CFAP97D2: variants seen among roughly 807,000 people sequenced by gnomAD.
CFAP97D2 encodes the protein CFAP97 domain containing 2.
intron 1 of CFAP97D2, among the ~76,000 whole-genome samples, chr13:114,188,970 GCTAA>G (rs1447947145): frequency 2.0e-5 from 3 of 149,838 alleles, no homozygotes; most frequent in Non-Finnish European, 4.4e-5. Flanking sequence ...CTGTAGCCAG[GCTAA>G]CTAAGAAAAA....
chr13:114,204,371 T>A (rs1013541965), intron 3 of CFAP97D2, among the ~76,000 whole-genome samples: 1 of 152,226 alleles, frequency 6.6e-6, no homozygotes, highest in South Asian at 2.1e-4. Flanking sequence ...GACTTGTCGC[T>A]TACCTGCTTT....
rs1220562322 is a variant in CFAP97D2, at chr13:114,203,568, T to C, written c.290+3125T>C. Reference sequence around the variant, plus strand: ...GGAAAATCTAGGCACACGAACACATTGAAGGGTGAGTAGAGCAGGATTTTC... The same window carrying C: ...GGAAAATCTAGGCACACGAACACATCGAAGGGTGAGTAGAGCAGGATTTTC... On this transcript the variant is annotated intron_variant, in intron 3 of 4. Coordinates refer to ENST00000646158, the Ensembl canonical transcript of CFAP97D2. The surrounding 1 kb of genome is among the most constrained non-coding windows in gnomAD (Gnocchi z 4.3). Among the ~76,000 whole-genome samples, 1 of 152,006 alleles carries C rather than the reference T, an allele frequency of 6.6e-6. No homozygotes were observed. Among genetic ancestry groups the C allele is most frequent in the East Asian group, 1.9e-4 (1 of 5,184 alleles).
chr13:114,198,606 G>A (rs1197015667), intron 2 of CFAP97D2, among the ~76,000 whole-genome samples: 1 of 152,226 alleles, frequency 6.6e-6, no homozygotes. Context: ...CAATCCATGG[G>A]CAAAGCAGCT....
intron 3 of CFAP97D2, among the ~76,000 whole-genome samples, chr13:114,202,577 G>A (rs73572924): frequency 0.044 from 6,771 of 152,308 alleles, 434 homozygotes; most frequent in African/African-American, 0.14. Context: ...ATGCACACCA[G>A]AAGCTGCAGC....
In CFAP97D2 at chr13:114,211,269, T is replaced by G. The variant is rs2080965507; in HGVS notation, c.291-643T>G. 1.3e-5 allele frequency among the ~76,000 whole-genome samples: 2 copies of G among 152,126 alleles called. No homozygotes were observed. Among genetic ancestry groups the G allele is most frequent in the South Asian group, 4.1e-4 (2 of 4,824 alleles). ...CTGAACAGGTTTCACCGGTCCCATCTCACCACTGCAGTGGGCTGGCATCGA... is the reference window on the plus strand; with the variant it reads ...CTGAACAGGTTTCACCGGTCCCATCGCACCACTGCAGTGGGCTGGCATCGA... On this transcript the variant is annotated intron_variant, in intron 3 of 4. Coordinates refer to ENST00000646158, the Ensembl canonical transcript of CFAP97D2. This position sits in a 1 kb window ranked among gnomAD's most constrained non-coding sequence, Gnocchi z 4.2.
In CFAP97D2 at chr13:114,186,949, C is replaced by T. The variant is rs914591957; in HGVS notation, c.90+7529C>T. On this transcript the variant is annotated intron_variant, in intron 1 of 4. Coordinates refer to ENST00000646158, the Ensembl canonical transcript of CFAP97D2. This position sits in a 1 kb window ranked among gnomAD's most constrained non-coding sequence, Gnocchi z 4.3. Reference sequence around the variant, plus strand: ...GGGCCCAGTGGGCCCGAGCAAAATTCGGCAAAGGTGCCACCAGCCACAGAG... The same window carrying T: ...GGGCCCAGTGGGCCCGAGCAAAATTTGGCAAAGGTGCCACCAGCCACAGAG... Among the ~76,000 whole-genome samples, 5 of 152,228 alleles carry T rather than the reference C, an allele frequency of 3.3e-5. No homozygotes were observed. Among genetic ancestry groups the T allele is most frequent in the African/African-American group, 7.2e-5 (3 of 41,458 alleles).
At chr13:114,220,871 C>T (rs569297537) in intron 4 of CFAP97D2, among the ~76,000 whole-genome samples, 55 of 152,358 alleles carry the variant, frequency 3.6e-4, no homozygotes, top group African/African-American at 1.3e-3. Flanking sequence ...GCCCCATTCT[C>T]GCTTCTAAAG....
In CFAP97D2 at chr13:114,211,767, G is replaced by A. The variant is rs1053563288; in HGVS notation, c.291-145G>A. 5.8e-5 allele frequency: 23 copies of A among 396,346 alleles called. No homozygotes were observed. Among genetic ancestry groups the A allele is most frequent in the Non-Finnish European group, 9.8e-5 (22 of 225,288 alleles). 24.6% of individuals were successfully genotyped at this position (396,346 alleles called of 1,614,324 possible). On this transcript the variant is annotated intron_variant, in intron 3 of 4. Transcript: ENST00000646158. The surrounding 1 kb of genome is among the most constrained non-coding windows in gnomAD (Gnocchi z 4.2). ...CTCCCACTCCAGCACCTGGAGAACC[G>A]GTTTCTTAAATGTTGGTTCAGTGGG...
rs75173213 is a variant in CFAP97D2 at position 114,215,228 on chromosome 13, G to C, written c.480+3127G>C. On this transcript the variant is annotated intron_variant, in intron 4 of 4. Coordinates refer to ENST00000646158, the Ensembl canonical transcript of CFAP97D2. The stretch of plus-strand genomic sequence containing the variant: ...TATATTTTTAAACTTTGGACCATCT[G>C]ATTTCTTCTTGTATGAATTGTCTGT... Among the ~76,000 whole-genome samples, 40 of 152,276 alleles carry C rather than the reference G, an allele frequency of 2.6e-4. No individual in the cohort carries two copies. The East Asian group carries it at 6.7e-3, about 26-fold the overall frequency.
In CFAP97D2 at chr13:114,189,327, G is replaced by T. The variant is rs1465516736; in HGVS notation, c.91-7069G>T. 1.3e-5 allele frequency among the ~76,000 whole-genome samples: 2 copies of T among 152,126 alleles called. No individual in the cohort carries two copies. The highest frequency in any genetic ancestry group is 2.9e-5 in the Non-Finnish European group (2 of 68,016). On this transcript the variant is annotated intron_variant, in intron 1 of 4. Transcript: ENST00000646158. This position sits in a 1 kb window ranked among gnomAD's most constrained non-coding sequence, Gnocchi z 4.5. ...TCTGAATAGACCCATATCTATTCAAGAAATTGAATCAATAATTAAACTTCC... is the reference window on the plus strand; with the variant it reads ...TCTGAATAGACCCATATCTATTCAATAAATTGAATCAATAATTAAACTTCC...
intron 1 of CFAP97D2, among the ~76,000 whole-genome samples, chr13:114,182,429 C>G (rs565820109): frequency 1.3e-5 from 2 of 151,994 alleles, no homozygotes; most frequent in Non-Finnish European, 2.9e-5. Flanking sequence ...AGTGGCCTTC[C>G]TCTATCTCAA....
chr13:114,184,543 C>T (rs997022680), intron 1 of CFAP97D2, among the ~76,000 whole-genome samples: 14 of 152,238 alleles, frequency 9.2e-5, no homozygotes, highest in Non-Finnish European at 1.8e-4. Context: ...ACGCTCACCT[C>T]CTCCAGCCGG....
rs907876080 is a variant in CFAP97D2 at position 114,185,187 on chromosome 13, C to T, written c.90+5767C>T. On this transcript the variant is annotated intron_variant, in intron 1 of 4. Transcript: ENST00000646158. The surrounding 1 kb of genome is among the most constrained non-coding windows in gnomAD (Gnocchi z 5.2). ...CCTCCACCACTGCAGACTCTGGCCC[C>T]GTGTCACCGCTCTTGCCTGCTGATG... Among the ~76,000 whole-genome samples, 44 of 152,204 alleles carry T rather than the reference C, an allele frequency of 2.9e-4. No individual in the cohort carries two copies. The highest frequency in any genetic ancestry group is 3.8e-4 in the East Asian group (2 of 5,200).
chr13:114,194,001 A>C (rs1274812946), intron 1 of CFAP97D2, among the ~76,000 whole-genome samples: 1 of 152,266 alleles, frequency 6.6e-6, no homozygotes, highest in Non-Finnish European at 1.5e-5. Flanking sequence ...TCTTTTAAAA[A>C]AACAAAACAA....
At chr13:114,196,241 T>G (rs1420306774) in intron 1 of CFAP97D2, among the ~76,000 whole-genome samples, 155 bp from the exon 2 acceptor site, 1 of 152,178 alleles carries the variant, frequency 6.6e-6, no homozygotes, top group Non-Finnish European at 1.5e-5. Context: ...CAGGGGATAC[T>G]CGGATTCCAA....
intron 4 of CFAP97D2, among the ~76,000 whole-genome samples, chr13:114,220,275 T>C (rs770787142): frequency 6.6e-5 from 10 of 152,156 alleles, no homozygotes; most frequent in African/African-American, 1.7e-4. Flanking sequence ...TGGCCTCGCA[T>C]GGATGGGACA....
Position 114,200,455 on chromosome 13 carries a change from G to T in CFAP97D2, c.290+12G>T, listed in dbSNP as rs1475946734. 1.3e-5 allele frequency: 5 copies of T among 398,502 alleles called. No homozygotes were observed. The highest frequency in any genetic ancestry group is 1.0e-4 in the African/African-American group (5 of 48,642). 24.7% of individuals were successfully genotyped at this position (398,502 alleles called of 1,614,324 possible). ...TCCAAGCACAGGAGGTAAGGGAGCGGCTCCTGCCATCCCACCCGGCTCAGC... is the reference window on the plus strand; with the variant it reads ...TCCAAGCACAGGAGGTAAGGGAGCGTCTCCTGCCATCCCACCCGGCTCAGC... On this transcript the variant is annotated intron_variant, in intron 3 of 4. Transcript: ENST00000646158.
intron 4 of CFAP97D2, among the ~76,000 whole-genome samples, chr13:114,216,486 T>C (rs773800801): frequency 5.3e-4 from 80 of 151,388 alleles, no homozygotes; most frequent in Non-Finnish European, 9.1e-4. Context: ...CTAACCTTCC[T>C]GTGTCCATGT....
In CFAP97D2 at chr13:114,203,580, A is replaced by G. The variant is rs2080927714; in HGVS notation, c.290+3137A>G. Reference sequence around the variant, plus strand: ...CACACGAACACATTGAAGGGTGAGTAGAGCAGGATTTTCTTGGGTGACAAG... The same window carrying G: ...CACACGAACACATTGAAGGGTGAGTGGAGCAGGATTTTCTTGGGTGACAAG... On this transcript the variant is annotated intron_variant, in intron 3 of 4. Transcript: ENST00000646158. This position sits in a 1 kb window ranked among gnomAD's most constrained non-coding sequence, Gnocchi z 4.3. 6.6e-6 allele frequency among the ~76,000 whole-genome samples: 1 copy of G among 152,250 alleles called. No homozygotes were observed. The highest frequency in any genetic ancestry group is 2.1e-4 in the South Asian group (1 of 4,836).
Sources: gnomAD v4.1 joint callset for allele counts (sites outside exome capture counted in the v4.1 genomes callset) on GRCh38, gnomAD v4.1.1 for gene constraint, Gnocchi (gnomAD v3.1) non-coding constraint, MANE v1.5 for transcripts, NCBI Gene and HGNC (gene_info 2026-07-23, HGNC 2026-07-21) for gene names.